The following CHL1 variants were observed in gnomAD, a reference collection of about 807,000 sequenced individuals.
CHL1 encodes the protein neural cell adhesion molecule L1-like protein.
Under a neutral mutation model 141.9 loss-of-function variants are expected in CHL1, and 96 were observed. The ratio of observed to expected loss-of-function variants is 0.68; its 90% CI spans 0.57 to 0.80. The LOEUF is 0.80. Ranked by LOEUF, CHL1 falls within the 30% of genes least tolerant of loss-of-function variation. The pLI is 0.00. For synonymous variants in CHL1, 613 were observed against 502.2 expected (o/e 1.22, Z -2.95); for missense variants, 1,820 against 1,457.2 (o/e 1.25, Z -4.05).
intron 1 of CHL1, among the ~76,000 whole-genome samples, chr3:222,192 T>C (rs1490474547): frequency 6.6e-6 from 1 of 152,180 alleles, no homozygotes; most frequent in South Asian, 2.1e-4. Flanking sequence ...CTGTTAGAGA[T>C]CTGAAGTTTA....
intron 5 of CHL1, among the ~76,000 whole-genome samples, chr3:339,480 C>G (rs888273678): frequency 2.6e-5 from 4 of 152,120 alleles, no homozygotes; most frequent in Admixed American, 2.0e-4. Context: ...TAAAAGGAAT[C>G]TTATAGAACG....
intron 2 of CHL1, among the ~76,000 whole-genome samples, chr3:257,708 T>A (rs17014759): frequency 0.037 from 5,640 of 152,210 alleles, 155 homozygotes; most frequent in African/African-American, 0.079. Context: ...TTGCCACAGG[T>A]CTATTTAAAA....
At chr3:348,154 T>C (rs934026903) in intron 9 of CHL1, among the ~76,000 whole-genome samples, 1 of 152,078 alleles carries the variant, frequency 6.6e-6, no homozygotes, top group Non-Finnish European at 1.5e-5. Flanking sequence ...AAGCACAAAA[T>C]AATAGAACAC....
At chr3:242,122 G>C (rs1342630797) in intron 1 of CHL1, among the ~76,000 whole-genome samples, 3 of 152,012 alleles carry the variant, frequency 2.0e-5, no homozygotes, top group Non-Finnish European at 4.4e-5. Context: ...CATAAGAAAA[G>C]ATTAAAAGGA....
intron 2 of CHL1, among the ~76,000 whole-genome samples, chr3:274,165 GACTA>G (rs930315120): frequency 2.0e-5 from 3 of 151,908 alleles, no homozygotes; most frequent in African/African-American, 7.3e-5. Context: ...TTCCCTCCTT[GACTA>G]ACTAACCTAT....
chr3:228,436 A>G (rs1441406775), intron 1 of CHL1, among the ~76,000 whole-genome samples: 1 of 152,092 alleles, frequency 6.6e-6, no homozygotes. Context: ...ATCCCTGCAC[A>G]TGGATGAAGT....
At chr3:377,723 T>A (rs1051198998) in intron 15 of CHL1, 95 bp from the exon 16 acceptor site, 42 of 1,074,232 alleles carry the variant, frequency 3.9e-5, no homozygotes, top group East Asian at 2.0e-4. Context: ...ACTCTTAGAT[T>A]GTTTTCGATA....
At chr3:341,818 C>A (rs1559281813) in intron 6 of CHL1, 94 bp from the exon 7 acceptor site, 2 of 1,091,054 alleles carry the variant, frequency 1.8e-6, no homozygotes, top group African/African-American at 1.6e-5. Context: ...CAGGAAAAAC[C>A]AAATGAAATA....
At chr3:198,627 A>T (rs6773584) in intron 1 of CHL1, among the ~76,000 whole-genome samples, 6 of 152,144 alleles carry the variant, frequency 3.9e-5, no homozygotes, top group African/African-American at 1.4e-4. Flanking sequence ...ATTTAACACC[A>T]TAGATTTTTA....
intron 27 of CHL1, 45 bp from the exon 28 acceptor site, chr3:405,450 T>G (rs1464029907): frequency 3.2e-6 from 4 of 1,244,644 alleles, no homozygotes; most frequent in Non-Finnish European, 3.5e-6. Flanking sequence ...ACATGAATAT[T>G]AATATTAGAT....
intron 15 of CHL1, among the ~76,000 whole-genome samples, chr3:368,428 C>T (rs1344984759): frequency 6.6e-6 from 1 of 152,118 alleles, no homozygotes; most frequent in East Asian, 1.9e-4. Context: ...ATCCTTTGCC[C>T]ATGTTTGATG....
intron 2 of CHL1, chr3:247,598 G>A (rs768695133): frequency 6.6e-6 from 1 of 152,052 alleles, no homozygotes; most frequent in Non-Finnish European, 1.5e-5. Flanking sequence ...TCTGTGCTGA[G>A]AAGTTCTGAG....
chr3:282,094 A>T (rs1008895052), intron 2 of CHL1, among the ~76,000 whole-genome samples: 1 of 152,122 alleles, frequency 6.6e-6, no homozygotes, highest in Non-Finnish European at 1.5e-5. Flanking sequence ...TTTTTCATTA[A>T]ATAAATATTG....
chr3:393,153 A>T (rs1438589799), intron 23 of CHL1, among the ~76,000 whole-genome samples: 1 of 150,024 alleles, frequency 6.7e-6, no homozygotes, highest in Non-Finnish European at 1.5e-5. Flanking sequence ...GAATGGCGTG[A>T]ACCCGGGAGG....
intron 2 of CHL1, among the ~76,000 whole-genome samples, chr3:309,568 G>T (rs1699578939): frequency 6.6e-6 from 1 of 150,442 alleles, no homozygotes; most frequent in Non-Finnish European, 1.5e-5. Flanking sequence ...CTGTTGCCCA[G>T]GCAGAATCAT....
chr3:382,679 G>C lies in CHL1; in HGVS notation c.2176+8G>C. 1 of 1,611,602 alleles carries C rather than the reference G, an allele frequency of 6.2e-7. No homozygotes were observed. Among genetic ancestry groups the C allele is most frequent in the Non-Finnish European group, 8.5e-7 (1 of 1,177,966 alleles). On this transcript the variant is annotated splice_region_variant and intron_variant, in intron 18 of 27. Coordinates refer to ENST00000256509, the MANE Select transcript of CHL1 (RefSeq NM_006614.4). Reference sequence around the variant, plus strand: ...ATGAAACACCACCAGCAGGTATGCAGGTTCTCACATCAGGTTTCTAACAAA... The same window carrying C: ...ATGAAACACCACCAGCAGGTATGCACGTTCTCACATCAGGTTTCTAACAAA...
At chr3:291,696 T>G (rs1697711093) in intron 2 of CHL1, among the ~76,000 whole-genome samples, 1 of 152,120 alleles carries the variant, frequency 6.6e-6, no homozygotes, top group African/African-American at 2.4e-5. Flanking sequence ...ATTTTTTTTC[T>G]CATTTTTTTA....
chr3:322,652 A>ATATATATATATATATATAAT (rs1700677760), intron 3 of CHL1, among the ~76,000 whole-genome samples: 3 of 78,086 alleles, frequency 3.8e-5, no homozygotes, highest in African/African-American at 6.4e-5. Context: ...TAAAATATAT[A>ATATATATATATATATATAAT]TATATATATA....
intron 1 of CHL1, among the ~76,000 whole-genome samples, chr3:201,116 G>A (rs989109092): frequency 1.4e-4 from 22 of 152,184 alleles, no homozygotes; most frequent in African/African-American, 5.1e-4. Context: ...TTGGAATTCT[G>A]TATCACTGGG....
Sources: allele counts gnomAD v4.1 joint callset (sites outside exome capture counted in the v4.1 genomes callset), GRCh38; gene constraint gnomAD v4.1.1; transcripts MANE v1.5; gene names NCBI Gene and HGNC (gene_info 2026-07-23, HGNC 2026-07-21).